The following DYSF variants were observed in gnomAD, a reference collection of about 807,000 sequenced individuals.
DYSF encodes the protein dysferlin.
A neutral mutation model predicts 274.9 loss-of-function variants in DYSF; 212 were observed. The observed-to-expected ratio is 0.77, with a 90% CI of 0.69 to 0.86. DYSF has a LOEUF of 0.86. Among genes scored for constraint, DYSF ranks in the 40% least tolerant of loss-of-function variants. DYSF has a pLI of 0.00. For synonymous variants in DYSF, 1,091 were observed against 1,078.7 expected, an observed-to-expected ratio of 1.01 and a Z score of -0.22; for missense variants, 2,666 against 2,783.2, an observed-to-expected ratio of 0.96 and a Z score of 0.95.
chr2:71,511,903 G>C lies in DYSF; in HGVS notation c.442G>C (p.Asp148His). The change falls in exon 5 of 56, where the codon GAC (aspartate) becomes CAC (histidine). Residue 148 changes from aspartate to histidine, a missense_variant. Physicochemically the swap from Asp to His is moderately conservative, Grantham distance 81 (BLOSUM62 -1). This residue lies in a region of DYSF where 794 missense variants were observed against 777.1 expected (regional missense o/e 1.02). Transcript: ENST00000410020. ...TPLEPSPTLPDLDVVAGGGQS... is the reference protein window; with the variant it reads ...TPLEPSPTLPHLDVVAGGGQS... ...TCTGGAGCCCTCCCCGACTCTGCCT[G>C]ACCTGGATGTAGTGGCAGGTGGGTA... The C allele has an allele frequency of 1.3e-6, 2 of 1,550,324 alleles. No individual in the cohort carries two copies. Among genetic ancestry groups the C allele is most frequent in the Non-Finnish European group, 1.7e-6 (2 of 1,146,014 alleles).
chr2:71,516,918 A>C (rs2086715027), intron 9 of DYSF, 71 bp from the exon 10 acceptor site: 45 of 1,342,914 alleles, frequency 3.4e-5, no homozygotes, highest in Non-Finnish European at 3.9e-5. Context: ...TTGGGAGGGA[A>C]GAGCTATTGG....
At chr2:71,465,219 A>G (rs1415655548), upstream of DYSF, among the ~76,000 whole-genome samples, 1 of 152,152 alleles carries the variant, frequency 6.6e-6, no homozygotes, top group East Asian at 1.9e-4. Flanking sequence ...TCACCACTGA[A>G]TGGGCGAGAG....
At chr2:71,605,795 A>G (rs79788525) in intron 36 of DYSF, among the ~76,000 whole-genome samples, 1,919 of 152,254 alleles carry the variant, frequency 0.013, 39 homozygotes, top group African/African-American at 0.044. Flanking sequence ...AATCAGGAAA[A>G]TAAAGCCAGT....
intron 1 of DYSF, among the ~76,000 whole-genome samples, chr2:71,479,092 TC>T (rs940768257): frequency 1.2e-4 from 18 of 150,284 alleles, no homozygotes; most frequent in African/African-American, 3.9e-4. Flanking sequence ...AGCTGAGCCA[TC>T]CAGGTGGAGA....
intron 17 of DYSF, among the ~76,000 whole-genome samples, chr2:71,545,612 C>T (rs1184124205): frequency 3.9e-5 from 6 of 152,160 alleles, no homozygotes; most frequent in Admixed American, 2.0e-4. Flanking sequence ...GAAGGAACCT[C>T]GTCTTCAGTT....
At chr2:71,526,147 A>G in intron 12 of DYSF, 73 bp from the exon 13 acceptor site, 5 of 1,613,270 alleles carry the variant, frequency 3.1e-6, no homozygotes, top group Non-Finnish European at 4.2e-6. Context: ...GCGAAGCTGG[A>G]ACTCTTAGAA....
intron 55 of DYSF, among the ~76,000 whole-genome samples, 199 bp downstream of exon 55, chr2:71,682,876 C>T (rs2152972439): frequency 6.6e-6 from 1 of 152,286 alleles, no homozygotes; most frequent in African/African-American, 2.4e-5. Context: ...CCCTTGGAGG[C>T]TCTTAGTCCA....
intron 12 of DYSF, among the ~76,000 whole-genome samples, chr2:71,523,450 A>G (rs2087520291): frequency 6.6e-6 from 1 of 152,148 alleles, no homozygotes; most frequent in Admixed American, 6.5e-5. Context: ...TGGGGGAACA[A>G]CTAGCAGTCT....
Position 71,553,207 on chromosome 2 carries a change from C to A in DYSF, c.1984+19C>A. ...TTTGACGGTGAGGCAGTGCTCCTGG[C>A]TGGGACCCCGATCACAGGATCATAG... On this transcript the variant is annotated intron_variant, in intron 20 of 55. Transcript: ENST00000410020. The A allele has an allele frequency of 6.2e-7, 1 of 1,613,842 alleles. No homozygotes were observed. Among genetic ancestry groups the A allele is most frequent in the East Asian group, 2.2e-5 (1 of 44,880 alleles).
chr2:71,681,734 G>A (rs999251045), intron 54 of DYSF, among the ~76,000 whole-genome samples: 1 of 152,246 alleles, frequency 6.6e-6, no homozygotes, highest in South Asian at 2.1e-4. Context: ...CAGAGTCACT[G>A]AAAGATGGCT....
intron 3 of DYSF, among the ~76,000 whole-genome samples, chr2:71,483,602 C>T (rs1030100551): frequency 5.3e-5 from 8 of 152,182 alleles, no homozygotes; most frequent in Admixed American, 1.3e-4. Flanking sequence ...TCTCCAATGC[C>T]AGGCTGAGGA....
intron 10 of DYSF, among the ~76,000 whole-genome samples, chr2:71,519,092 C>CAAAAAAAA (rs70959240): frequency 1.2e-4 from 7 of 59,718 alleles, no homozygotes; most frequent in South Asian, 1.2e-3. Flanking sequence ...CACTCCATCT[C>CAAAAAAAA]AAAAAAAAAA....
chr2:71,520,175 CA>C lies in DYSF; in HGVS notation c.1003-2del, dbSNP rs1318246120. 1 of 1,614,176 alleles carries C rather than the reference CA, an allele frequency of 6.2e-7. No individual in the cohort carries two copies. ...GATTTGTGTCTCCTCTCATTGATTG[CA>C]GATGGACGTGGGCACCATTTACAGA... On this transcript the variant is annotated splice_acceptor_variant, in intron 10 of 55. Transcript: ENST00000410020. LOFTEE classifies it high-confidence loss of function.
chr2:71,528,689 A>G (rs1371037513), intron 14 of DYSF, among the ~76,000 whole-genome samples: 1 of 152,164 alleles, frequency 6.6e-6, no homozygotes, highest in East Asian at 1.9e-4. Context: ...CATTTGGGGG[A>G]AAATGGAGCA....
At chr2:71,569,030 G>A (rs1384725940) in intron 26 of DYSF, among the ~76,000 whole-genome samples, 8 of 152,006 alleles carry the variant, frequency 5.3e-5, no homozygotes, top group African/African-American at 1.9e-4. Flanking sequence ...CTGCCACTAC[G>A]CCCAGCTAAT....
intron 30 of DYSF, among the ~76,000 whole-genome samples, chr2:71,588,127 A>C (rs2093133947): frequency 6.6e-6 from 1 of 152,180 alleles, no homozygotes; most frequent in Non-Finnish European, 1.5e-5. Flanking sequence ...TGTCTGGGAC[A>C]GCTTTAAGGA....
At chr2:71,596,674 A>G (rs893002652) in intron 32 of DYSF, among the ~76,000 whole-genome samples, 1 of 152,170 alleles carries the variant, frequency 6.6e-6, no homozygotes, top group South Asian at 2.1e-4. Flanking sequence ...AGGGGTGGGC[A>G]GTTCTCTCTG....
chr2:71,547,385 C>T (rs1405463665), intron 17 of DYSF, among the ~76,000 whole-genome samples: 1 of 152,190 alleles, frequency 6.6e-6, no homozygotes, highest in Non-Finnish European at 1.5e-5. Context: ...CTGTGGCTCA[C>T]ACCTGTAATC....
At chr2:71,504,634 T>C (rs1208870426) in intron 4 of DYSF, among the ~76,000 whole-genome samples, 2 of 152,216 alleles carry the variant, frequency 1.3e-5, no homozygotes, top group African/African-American at 4.8e-5. Flanking sequence ...TCAAGGCAGC[T>C]GGCGAGAGAA....
Sources: gnomAD v4.1 joint callset for allele counts (sites outside exome capture counted in the v4.1 genomes callset) on GRCh38, gnomAD v4.1.1 for gene constraint, gnomAD v4.1.1 regional missense constraint, MANE v1.5 for transcripts, NCBI Gene and HGNC (gene_info 2026-07-23, HGNC 2026-07-21) for gene names.